The following PCDHA1 variants were observed in gnomAD, a reference collection of about 807,000 sequenced individuals.
PCDHA1 encodes protocadherin alpha-1.
PCDHA1 carries 42 observed loss-of-function variants against 61.3 expected under a neutral mutation model. The ratio of observed to expected loss-of-function variants is 0.69; its 90% CI spans 0.54 to 0.89. PCDHA1 has a LOEUF of 0.89. Among genes scored for constraint, PCDHA1 ranks in the 40% least tolerant of loss-of-function variants. The pLI, the probability that PCDHA1 is intolerant of heterozygous loss-of-function variation, is 0.00. For synonymous variants in PCDHA1, 610 were observed against 553.8 expected (o/e 1.10, Z -1.43); for missense variants, 1,256 against 1,235.3 (o/e 1.02, Z -0.25).
intron 1 of PCDHA1, among the ~76,000 whole-genome samples, chr5:140,826,507 A>G (rs1554130579): frequency 6.6e-6 from 1 of 152,188 alleles, no homozygotes. Context: ...TAAGGTGAAG[A>G]TGATCATGTC....
intron 1 of PCDHA1, among the ~76,000 whole-genome samples, chr5:140,925,768 G>A (rs1018599372): frequency 6.6e-6 from 1 of 151,870 alleles, no homozygotes; most frequent in Admixed American, 6.6e-5. Flanking sequence ...TAGTTTCCTG[G>A]TCAAACTCTA....
chr5:140,796,305 C>T (rs1365670963), intron 1 of PCDHA1: 1 of 1,614,044 alleles, frequency 6.2e-7, no homozygotes, highest in African/African-American at 1.3e-5. Context: ...AGGTGGCCGA[C>T]GTGAACGACA....
intron 1 of PCDHA1, chr5:140,868,976 T>C: frequency 6.7e-7 from 1 of 1,481,558 alleles, no homozygotes; most frequent in Non-Finnish European, 9.0e-7. Context: ...AACTCCATCA[T>C]ACCGGATGCC....
chr5:140,884,479 C>A (rs1554181619), intron 1 of PCDHA1: 2 of 1,613,914 alleles, frequency 1.2e-6, no homozygotes, highest in African/African-American at 1.3e-5. Flanking sequence ...CGGGCAAGCC[C>A]ACTCTAGTGT....
At position 140,827,335 on chromosome 5, in the gene PCDHA1, G is replaced by A. The variant is rs2150147144; in HGVS notation, c.2394+38651G>A. 1.1e-3 allele frequency among the ~76,000 whole-genome samples: 167 copies of A among 152,286 alleles called. 1 individual carries two copies. Among genetic ancestry groups the A allele is most frequent in the African/African-American group, 3.8e-3 (159 of 41,558 alleles). Reference sequence around the variant, plus strand: ...AAATTCCACTAGAATTTGAAGTGGTGAAGTATATGAAAAGAAAATATTTTA... The same window carrying A: ...AAATTCCACTAGAATTTGAAGTGGTAAAGTATATGAAAAGAAAATATTTTA... On this transcript the variant is annotated intron_variant, in intron 1 of 3. Coordinates refer to ENST00000504120, the MANE Select transcript of PCDHA1 (RefSeq NM_018900.4).
intron 1 of PCDHA1, chr5:140,853,539 T>A: frequency 1.0e-6 from 1 of 979,080 alleles, no homozygotes; most frequent in South Asian, 4.8e-5. Context: ...TCTTTTCAAG[T>A]TGTAATTACT....
chr5:140,788,323 C>A lies in PCDHA1; in HGVS notation c.2033C>A (p.Ala678Glu), dbSNP rs1761458307. Reference protein sequence around the residue: ...SLVESGQAPKASSRASVGVAG... With the variant: ...SLVESGQAPKESSRASVGVAG... ...GTGGAGAGCGGCCAGGCGCCAAAGG[C>A]GTCTTCGCGGGCGTCGGTGGGTGTC... Residue 678 changes from alanine (A) to glutamate (E), a missense_variant, in exon 1 of 4, where the codon GCG becomes GAG. Ala to Glu is a moderately radical substitution (Grantham distance 107). Transcript: ENST00000504120. 6.2e-7 allele frequency: 1 copy of A among 1,613,812 alleles called. No homozygotes were observed. Among genetic ancestry groups the A allele is most frequent in the South Asian group, 1.1e-5 (1 of 91,080 alleles).
intron 1 of PCDHA1, chr5:140,858,289 T>C: frequency 6.3e-7 from 1 of 1,597,184 alleles, no homozygotes; most frequent in Non-Finnish European, 8.6e-7. Flanking sequence ...GGAGCTGGTC[T>C]TACTCGCAGC....
At chr5:140,986,508 G>T (rs1043049646) in intron 3 of PCDHA1, among the ~76,000 whole-genome samples, 26 of 152,184 alleles carry the variant, frequency 1.7e-4, no homozygotes, top group African/African-American at 5.3e-4. Context: ...TAAAAGGACT[G>T]CCCCTGCCTG....
intron 1 of PCDHA1, chr5:140,814,606 T>A (rs2126657141): frequency 6.6e-6 from 1 of 152,320 alleles, no homozygotes; most frequent in Non-Finnish European, 1.5e-5. Flanking sequence ...TGTGCTATCT[T>A]GTACTTTTAT....
chr5:140,825,831 AT>A (rs1768728016), intron 1 of PCDHA1: 1 of 152,494 alleles, frequency 6.6e-6, no homozygotes, highest in Non-Finnish European at 1.5e-5. Context: ...GATTAAAAAA[AT>A]AAATATACCA....
intron 1 of PCDHA1, among the ~76,000 whole-genome samples, chr5:140,837,963 AC>A (rs1775339746): frequency 6.6e-6 from 1 of 151,764 alleles, no homozygotes; most frequent in Non-Finnish European, 1.5e-5. Context: ...ACAGACACGA[AC>A]AACCACACCC....
intron 1 of PCDHA1, chr5:140,928,237 C>T: frequency 6.2e-7 from 1 of 1,614,228 alleles, no homozygotes; most frequent in Non-Finnish European, 8.5e-7. Context: ...TCCTCAACCC[C>T]AGCAGGAACT....
intron 1 of PCDHA1, chr5:140,829,309 G>A (rs2150165707): frequency 1.1e-5 from 17 of 1,614,252 alleles, no homozygotes; most frequent in Non-Finnish European, 1.4e-5. Context: ...ATTACTACTC[G>A]TTGGTGCTGG....
At chr5:140,794,498 C>T (rs1346517885) in intron 1 of PCDHA1, among the ~76,000 whole-genome samples, 1 of 152,068 alleles carries the variant, frequency 6.6e-6, no homozygotes, top group Admixed American at 6.6e-5. Context: ...CGGTGAAAAG[C>T]GGAGTTGTTG....
intron 1 of PCDHA1, among the ~76,000 whole-genome samples, chr5:140,846,226 T>G (rs2150386125): frequency 1.3e-5 from 2 of 149,694 alleles, no homozygotes; most frequent in African/African-American, 4.9e-5. Context: ...ATAGTATTTT[T>G]CTTAAAAAGA....
At chr5:140,999,345 C>A (rs2097854633) in intron 3 of PCDHA1, among the ~76,000 whole-genome samples, 1 of 152,178 alleles carries the variant, frequency 6.6e-6, no homozygotes, top group Non-Finnish European at 1.5e-5. Flanking sequence ...TAAGCCTTGT[C>A]TCTTTTTAAT....
At chr5:140,863,231 C>A in intron 1 of PCDHA1, 2 of 1,227,658 alleles carry the variant, frequency 1.6e-6, no homozygotes, top group Non-Finnish European at 2.3e-6. Context: ...AAGGTCCCAT[C>A]GCGGGCTTTG....
intron 1 of PCDHA1, among the ~76,000 whole-genome samples, chr5:140,899,678 G>C (rs1554188694): frequency 6.6e-6 from 1 of 152,210 alleles, no homozygotes; most frequent in Non-Finnish European, 1.5e-5. Flanking sequence ...TTGGTATCAG[G>C]ATGATGCTGG....
Sources: gnomAD v4.1 joint callset for allele counts (sites outside exome capture counted in the v4.1 genomes callset) on GRCh38, gnomAD v4.1.1 for gene constraint, MANE v1.5 for transcripts, NCBI Gene and HGNC (gene_info 2026-07-23, HGNC 2026-07-21) for gene names.